NLRP12: variants seen among roughly 807,000 people sequenced by gnomAD.
NLRP12 encodes NACHT, LRR and PYD domains-containing protein 12.
NLRP12 carries 108 observed loss-of-function variants against 91.2 expected under a neutral mutation model. The ratio of observed to expected loss-of-function variants is 1.18; its 90% CI spans 1.01 to 1.39. The LOEUF (loss-of-function observed/expected upper bound fraction) is 1.39. Ranked by LOEUF, NLRP12 falls within the 40% of genes most tolerant of loss-of-function variation. The pLI is 0.00. For synonymous variants in NLRP12, 613 were observed against 566.7 expected (o/e 1.08, Z -1.16); for missense variants, 1,530 against 1,352.7 (o/e 1.13, Z -2.06).
Position 53,819,571 on chromosome 19 carries a change from G to A in NLRP12, c.289+4315C>T, listed in dbSNP as rs1470701052. The stretch of plus-strand genomic sequence containing the variant: ...TATATGTATGTATACGTATATATAT[G>A]CGTATATATGTATGTATACGTATAT... On this transcript the variant is annotated intron_variant, in intron 1 of 9. Coordinates refer to ENST00000324134, the MANE Select transcript of NLRP12 (RefSeq NM_144687.4). 2.3e-4 allele frequency among the ~76,000 whole-genome samples: 19 copies of A among 82,286 alleles called. 2 individuals carry two copies. Among genetic ancestry groups the A allele is most frequent in the Non-Finnish European group, 2.9e-4 (11 of 37,546 alleles). 54.0% of individuals were successfully genotyped at this position (82,286 alleles called of 152,430 possible).
Position 53,811,156 on chromosome 19 carries a change from T to G in NLRP12, c.503A>C (p.Asn168Thr). 6.2e-7 allele frequency: 1 copy of G among 1,613,866 alleles called. No homozygotes were observed. The highest frequency in any genetic ancestry group is 8.5e-7 in the Non-Finnish European group (1 of 1,179,980). ...AAGCTGCTGCTGGACCTGCATGGGG[T>G]TTGAGTGCTCCTTCACCAGCAGGAG... ...TRLLLVKEHS[N>T]PMQVQQQLLD... The change falls in exon 3 of 10, where the codon AAC becomes ACC. Residue 168 changes from asparagine to threonine, a missense_variant. Physicochemically the swap from Asn to Thr is moderately conservative, Grantham distance 65. Coordinates refer to ENST00000324134, the MANE Select transcript of NLRP12 (RefSeq NM_144687.4).
At chr19:53,816,647 G>A (rs1483437956) in intron 1 of NLRP12, among the ~76,000 whole-genome samples, 2 of 151,914 alleles carry the variant, frequency 1.3e-5, no homozygotes, top group Non-Finnish European at 2.9e-5. Context: ...TCAGTCTCCC[G>A]AGTAGCTGGG....
At chr19:53,803,764 G>T in intron 6 of NLRP12, 188 bp downstream of exon 6, 2 of 616,782 alleles carry the variant, frequency 3.2e-6, no homozygotes, top group Non-Finnish European at 6.0e-6. Context: ...AGTAGAGAGG[G>T]GGTTTCACCG....
intron 3 of NLRP12, chr19:53,807,961 G>A (rs895904326): frequency 7.7e-6 from 3 of 391,540 alleles, no homozygotes; most frequent in Admixed American, 3.2e-5. Flanking sequence ...TGTTGGCCAG[G>A]CTGATCTCGT....
chr19:53,807,513 C>T lies in NLRP12; in HGVS notation c.2225G>A (p.Cys742Tyr). The stretch of plus-strand genomic sequence containing the variant: ...CACTCACCTCAGGTTCTGAAGTTTG[C>T]AGTTGGGGTGTCTGAGTCCTTGACA... ...LLCQGLRHPN[C>Y]KLQNLRLKRC... Residue 742 changes from cysteine (C) to tyrosine (Y), a missense_variant, in exon 4 of 10, where the codon TGC becomes TAC. Physicochemically the swap from Cys to Tyr is radical, Grantham distance 194. Transcript: ENST00000324134. 1 of 1,613,978 alleles carries T rather than the reference C, an allele frequency of 6.2e-7. No homozygotes were observed. Among genetic ancestry groups the T allele is most frequent in the Non-Finnish European group, 8.5e-7 (1 of 1,179,950 alleles).
intron 9 of NLRP12, among the ~76,000 whole-genome samples, chr19:53,794,793 A>C (rs1391041792): frequency 3.3e-5 from 5 of 151,582 alleles, no homozygotes; most frequent in Non-Finnish European, 7.4e-5. Context: ...TAGCCTCCCA[A>C]GTAGCTGGGA....
At chr19:53,818,919 T>C (rs2092204696) in intron 1 of NLRP12, among the ~76,000 whole-genome samples, 1 of 152,128 alleles carries the variant, frequency 6.6e-6, no homozygotes, top group Non-Finnish European at 1.5e-5. Context: ...CCTGATGCCC[T>C]TGTTTTACAG....
chr19:53,794,675 T>C (rs879202469), intron 9 of NLRP12, among the ~76,000 whole-genome samples: 1 of 149,054 alleles, frequency 6.7e-6, no homozygotes, highest in African/African-American at 2.5e-5. Flanking sequence ...CATTTTTTTT[T>C]TCTTTCCCCA....
In NLRP12 at chr19:53,810,795, G is replaced by A; in HGVS notation, c.864C>T (p.Arg288=). The change falls in exon 3 of 10, where the codon CGC becomes CGT. Residue 288 remains arginine (R), a synonymous_variant. Coordinates refer to ENST00000324134, the MANE Select transcript of NLRP12 (RefSeq NM_144687.4). The part of the protein sequence containing the change: ...PLQELIRVPE[R]LLFIIDGFDE... ...CGAAGCCGTCGATGATGAAAAGGAG[G>A]CGCTCGGGAACTCGGATGAGCTCCT... is the stretch of plus-strand genomic sequence containing the variant. The A allele has an allele frequency of 6.2e-7, 1 of 1,614,112 alleles. No individual in the cohort carries two copies. The highest frequency in any genetic ancestry group is 8.5e-7 in the Non-Finnish European group (1 of 1,180,036).
At chr19:53,797,770 C>G (rs1196712482) in intron 8 of NLRP12, among the ~76,000 whole-genome samples, 1 of 148,060 alleles carries the variant, frequency 6.8e-6, no homozygotes, top group East Asian at 2.0e-4. Context: ...CAGAGTTTCA[C>G]TCTTGTTGCC....
intron 9 of NLRP12, among the ~76,000 whole-genome samples, chr19:53,795,117 T>C (rs2091729676): frequency 6.7e-6 from 1 of 150,192 alleles, no homozygotes; most frequent in Non-Finnish European, 1.5e-5. Context: ...CGTGTGTGTG[T>C]GTGTGTGTGT....
chr19:53,809,715 C>A lies in NLRP12; in HGVS notation c.1944G>T (p.Met648Ile). The change falls in exon 3 of 10, where the codon ATG becomes ATT. Residue 648 changes from methionine (M) to isoleucine (I), a missense_variant. Physicochemically the swap from Met to Ile is conservative, Grantham distance 10 (BLOSUM62 1). Transcript: ENST00000324134. ...AGCGCTTCAGACAGAACGAGGAGACCATGTGCTCCATCTTGGAGGCAATGT... is the reference window on the plus strand; with the variant it reads ...AGCGCTTCAGACAGAACGAGGAGACAATGTGCTCCATCTTGGAGGCAATGT... ...VSNIASKMEH[M>I]VSSFCLKRCR... The A allele has an allele frequency of 6.2e-7, 1 of 1,614,106 alleles. No homozygotes were observed. Among genetic ancestry groups the A allele is most frequent in the South Asian group, 1.1e-5 (1 of 91,088 alleles).
At chr19:53,805,240 C>T (rs1489574545) in intron 5 of NLRP12, 40 bp downstream of exon 5, 22 of 1,586,140 alleles carry the variant, frequency 1.4e-5, no homozygotes, top group South Asian at 6.6e-5. Flanking sequence ...CCCCAGGAGA[C>T]AATGAGCTTA....
chr19:53,819,455 A>ATG (rs1387933382), intron 1 of NLRP12, among the ~76,000 whole-genome samples: 5 of 5,406 alleles, frequency 9.2e-4, no homozygotes, highest in South Asian at 5.4e-3. Context: ...ATATATATAT[A>ATG]TATGTGTGTG....
intron 6 of NLRP12, 51 bp downstream of exon 6, chr19:53,803,901 A>G (rs961230040): frequency 5.8e-6 from 9 of 1,564,832 alleles, no homozygotes; most frequent in South Asian, 1.1e-5. Flanking sequence ...ACCATCATTC[A>G]ATATGAAGAG....
At chr19:53,798,128 A>T in intron 8 of NLRP12, 115 bp downstream of exon 8, 1 of 1,156,290 alleles carries the variant, frequency 8.6e-7, no homozygotes, top group Non-Finnish European at 1.3e-6. Flanking sequence ...TCTTCTTGCT[A>T]CCTGAATCTT....
intron 3 of NLRP12, 47 bp downstream of exon 3, chr19:53,809,540 A>AG: frequency 7.6e-6 from 11 of 1,448,300 alleles, no homozygotes; most frequent in South Asian, 1.3e-5. Context: ...AAAAAAAAAA[A>AG]ACACACGAAC....
chr19:53,811,057 T>C lies in NLRP12; in HGVS notation c.602A>G (p.Glu201Gly). The C allele has an allele frequency of 6.2e-7, 1 of 1,612,638 alleles. No individual in the cohort carries two copies. Among genetic ancestry groups the C allele is most frequent in the Non-Finnish European group, 8.5e-7 (1 of 1,178,828 alleles). The change falls in exon 3 of 10, where the codon GAG (glutamate) becomes GGG (glycine). Residue 201 changes from glutamate (E) to glycine (G), a missense_variant. Transcript: ENST00000324134. ...TGGCTCGGGGCGCTCCTCGTCTGGC[T>C]CAAAGAGGGTCTCTATCTTGATGGG... ...ASPIKIETLF[E>G]PDEERPEPPR... is the part of the protein sequence containing the mutation.
chr19:53,822,515 G>A (rs1047887178), intron 1 of NLRP12, among the ~76,000 whole-genome samples: 6 of 151,934 alleles, frequency 3.9e-5, no homozygotes, highest in Non-Finnish European at 7.4e-5. Flanking sequence ...GGTGGATCAC[G>A]AGGTCAGAAG....
Sources: gnomAD v4.1 joint callset for allele counts (sites outside exome capture counted in the v4.1 genomes callset) on GRCh38, gnomAD v4.1.1 for gene constraint, MANE v1.5 for transcripts, NCBI Gene and HGNC (gene_info 2026-07-23, HGNC 2026-07-21) for gene names.